The following RGS6 variants were observed in gnomAD, a reference collection of about 807,000 sequenced individuals.
RGS6 encodes regulator of G-protein signaling 6.
A neutral mutation model predicts 78.5 loss-of-function variants in RGS6; 30 were observed. The observed-to-expected ratio is 0.38, with a 90% CI of 0.29 to 0.52. RGS6 has a LOEUF of 0.52. Ranked by LOEUF, RGS6 falls within the 20% of genes least tolerant of loss-of-function variation. The pLI, the probability that RGS6 is intolerant of heterozygous loss-of-function variation, is 0.85. For missense variants in RGS6, 495 were observed against 609.7 expected (o/e 0.81, Z 1.98); for synonymous variants, 206 against 206.0 (o/e 1.00, Z 0.00).
intron 2 of RGS6, among the ~76,000 whole-genome samples, chr14:71,983,919 C>CA (rs1396524131): frequency 6.6e-6 from 1 of 152,168 alleles, no homozygotes; most frequent in African/African-American, 2.4e-5. Flanking sequence ...ATCAAATGAA[C>CA]AAGTAGTGTA....
chr14:72,554,243 A>G (rs951528124), intron 17 of RGS6, among the ~76,000 whole-genome samples: 3 of 152,260 alleles, frequency 2.0e-5, no homozygotes, highest in African/African-American at 7.2e-5. Flanking sequence ...CAAGGACCCC[A>G]AGAAATGTAC....
chr14:72,125,744 A>G (rs926083232), intron 2 of RGS6, among the ~76,000 whole-genome samples: 1 of 152,076 alleles, frequency 6.6e-6, no homozygotes, highest in Non-Finnish European at 1.5e-5. Context: ...TCTTCATAGG[A>G]TGTATGTTCA....
intron 3 of RGS6, among the ~76,000 whole-genome samples, chr14:72,366,751 G>A (rs1405686665): frequency 6.6e-6 from 1 of 152,164 alleles, no homozygotes; most frequent in Non-Finnish European, 1.5e-5. Flanking sequence ...AGTCTTCGGA[G>A]TTTCCAACCT....
chr14:72,195,081 A>G (rs943520204), intron 2 of RGS6, among the ~76,000 whole-genome samples: 1 of 152,094 alleles, frequency 6.6e-6, no homozygotes, highest in Admixed American at 6.6e-5. Flanking sequence ...GGTGACACAC[A>G]CCTGTAATCA....
chr14:72,062,556 G>A (rs2153437657), intron 2 of RGS6, among the ~76,000 whole-genome samples: 1 of 152,366 alleles, frequency 6.6e-6, no homozygotes, highest in South Asian at 2.1e-4. Context: ...GTGGTTGTGA[G>A]ATGTGTTGGG....
intron 2 of RGS6, among the ~76,000 whole-genome samples, chr14:72,053,630 G>A (rs555388654): frequency 6.6e-6 from 1 of 152,296 alleles, no homozygotes; most frequent in East Asian, 1.9e-4. Flanking sequence ...GGGCTATTAT[G>A]TTTCTGTAGG....
At chr14:72,148,041 G>C (rs1278999085) in intron 2 of RGS6, among the ~76,000 whole-genome samples, 20 of 150,388 alleles carry the variant, frequency 1.3e-4, no homozygotes, top group African/African-American at 4.9e-4. Flanking sequence ...TAAGGCAGGA[G>C]AATGGCATGA....
chr14:72,002,626 T>C (rs1595919455), intron 2 of RGS6, among the ~76,000 whole-genome samples: 1 of 151,914 alleles, frequency 6.6e-6, no homozygotes, highest in Non-Finnish European at 1.5e-5. Context: ...TGGGAACCCC[T>C]GGGCTCCTTG....
intron 2 of RGS6, among the ~76,000 whole-genome samples, chr14:72,241,206 G>T: frequency 6.7e-6 from 1 of 150,002 alleles, no homozygotes; most frequent in East Asian, 2.0e-4. Flanking sequence ...CAAGCAGACA[G>T]AGAAGGAAAA....
intron 3 of RGS6, among the ~76,000 whole-genome samples, chr14:72,380,099 A>G (rs1034556893): frequency 1.3e-5 from 2 of 151,920 alleles, no homozygotes; most frequent in Admixed American, 1.3e-4. Context: ...AATGGTCCCC[A>G]AAAAATCAGA....
intron 2 of RGS6, among the ~76,000 whole-genome samples, chr14:72,138,035 C>CT (rs1320911803): frequency 6.6e-6 from 1 of 152,102 alleles, no homozygotes; most frequent in East Asian, 1.9e-4. Context: ...CAAAAGGACG[C>CT]TTATTTTGGA....
chr14:72,410,339 T>C (rs550386263), intron 3 of RGS6, among the ~76,000 whole-genome samples: 127 of 152,378 alleles, frequency 8.3e-4, no homozygotes, highest in African/African-American at 2.9e-3. Flanking sequence ...CATTTTTTCA[T>C]GTGTTCTTTG....
Position 72,476,882 on chromosome 14 carries a change from C to T in RGS6, c.792+42C>T, listed in dbSNP as rs1246068104. 6 of 1,551,518 alleles carry T rather than the reference C, an allele frequency of 3.9e-6. No homozygotes were observed. In the South Asian group the frequency reaches 5.6e-5, roughly 15 times the overall value. ...CTTGCACTCTCAGGAGGAGACGTGG[C>T]CAGTTTAAAAACCCTTTCAAATGTT... On this transcript the variant is annotated intron_variant, in intron 11 of 17. Transcript: ENST00000553525.
At chr14:72,574,352 G>T in the RGS6 span, among the ~76,000 whole-genome samples, 1 of 151,782 alleles carries the variant, frequency 6.6e-6, no homozygotes, top group Admixed American at 6.6e-5. Flanking sequence ...CCCCCTCCAC[G>T]GCCCAGCCTC....
chr14:72,132,895 G>A (rs78072757), intron 2 of RGS6, among the ~76,000 whole-genome samples: 1,578 of 151,580 alleles, frequency 0.01, 19 homozygotes, highest in African/African-American at 0.035. Flanking sequence ...TGTTTTGTTC[G>A]TAGGGAAGAT....
At chr14:72,318,212 T>A (rs750519022) in intron 2 of RGS6, among the ~76,000 whole-genome samples, 3 of 152,140 alleles carry the variant, frequency 2.0e-5, no homozygotes, top group Non-Finnish European at 4.4e-5. Flanking sequence ...GAACTTGGAA[T>A]CTGATATTCA....
At chr14:72,486,579 G>T (rs981511615) in intron 12 of RGS6, among the ~76,000 whole-genome samples, 1 of 152,120 alleles carries the variant, frequency 6.6e-6, no homozygotes, top group Non-Finnish European at 1.5e-5. Flanking sequence ...CAGCATAAGG[G>T]TCAACCCTTG....
rs986400271 is a variant in RGS6 at position 71,944,548 on chromosome 14, G to A, written c.-21+11607G>A. Among the ~76,000 whole-genome samples the A allele has an allele frequency of 1.2e-4, 18 of 152,232 alleles. No individual in the cohort carries two copies. The East Asian group carries it at 3.1e-3, about 26-fold the overall frequency. On this transcript the variant is annotated intron_variant, in intron 1 of 17. Coordinates refer to ENST00000553525, the MANE Select transcript of RGS6 (RefSeq NM_001204424.2). ...ATAAAAGATGTTAAATGATAGTTTA[G>A]GAAAAAATGCAGGGGATTTTGTAAG...
chr14:71,958,935 C>G (rs561701314), intron 1 of RGS6, among the ~76,000 whole-genome samples: 11 of 152,256 alleles, frequency 7.2e-5, no homozygotes, highest in African/African-American at 2.6e-4. Flanking sequence ...GGTCCTTGGG[C>G]AAGTTTTTGG....
Sources: gnomAD v4.1 joint callset for allele counts (sites outside exome capture counted in the v4.1 genomes callset) on GRCh38, gnomAD v4.1.1 for gene constraint, MANE v1.5 for transcripts, NCBI Gene and HGNC (gene_info 2026-07-23, HGNC 2026-07-21) for gene names.